The following LHFPL6 variants were observed in gnomAD, a reference collection of about 807,000 sequenced individuals.
The protein encoded by LHFPL6 is LHFPL tetraspan subfamily member 6.
A neutral mutation model predicts 20.6 loss-of-function variants in LHFPL6; 9 were observed. The observed-to-expected ratio is 0.44, with a 90% CI of 0.26 to 0.76. The LOEUF (loss-of-function observed/expected upper bound fraction) is 0.76, where lower values mean the gene tolerates loss of function less well. Among genes scored for constraint, LHFPL6 ranks in the 30% least tolerant of loss-of-function variants. The pLI is 0.20. For missense variants in LHFPL6, 218 were observed against 253.5 expected, an observed-to-expected ratio of 0.86 and a Z score of 0.95; for synonymous variants, 105 against 98.7, an observed-to-expected ratio of 1.06 and a Z score of -0.38.
intron 2 of LHFPL6, among the ~76,000 whole-genome samples, chr13:39,387,321 C>T (rs1977280): frequency 0.53 from 80,971 of 151,678 alleles, 23,487 homozygotes; most frequent in Admixed American, 0.67. Context: ...GGCTGAAGTG[C>T]GTGGATCACC....
At chr13:39,568,518 A>G (rs1490662838) in intron 2 of LHFPL6, among the ~76,000 whole-genome samples, 1 of 152,230 alleles carries the variant, frequency 6.6e-6, no homozygotes, top group Non-Finnish European at 1.5e-5. Flanking sequence ...ATATAAATAA[A>G]AAAACCTAAC....
chr13:39,491,772 T>C (rs1359824801), intron 2 of LHFPL6, among the ~76,000 whole-genome samples: 1 of 152,224 alleles, frequency 6.6e-6, no homozygotes, highest in Non-Finnish European at 1.5e-5. Flanking sequence ...TATGGCTAGT[T>C]CAACAGAGAA....
chr13:39,510,866 CT>C lies in LHFPL6; in HGVS notation c.385+89965del, dbSNP rs1869673377. On this transcript the variant is annotated intron_variant, in intron 2 of 3. Transcript: ENST00000379589. Reference sequence around the variant, plus strand: ...AAATTACTGGTATTTGTAATCATTACTTTAAATTTTTTTTTTTTCTTTTGAG... The same window carrying C: ...AAATTACTGGTATTTGTAATCATTACTTAAATTTTTTTTTTTTCTTTTGAG... 4.5e-5 allele frequency among the ~76,000 whole-genome samples: 5 copies of C among 110,320 alleles called. No individual in the cohort carries two copies. In the South Asian group the frequency reaches 1.7e-3, roughly 37 times the overall value. 72.4% of individuals were successfully genotyped at this position (110,320 alleles called of 152,430 possible).
intron 2 of LHFPL6, among the ~76,000 whole-genome samples, chr13:39,589,922 A>G (rs936450090): frequency 6.6e-6 from 1 of 152,190 alleles, no homozygotes; most frequent in Non-Finnish European, 1.5e-5. Flanking sequence ...AAAAGTTACT[A>G]TATCATATTA....
At chr13:39,410,745 C>T (rs1201514764) in intron 2 of LHFPL6, among the ~76,000 whole-genome samples, 2 of 152,204 alleles carry the variant, frequency 1.3e-5, no homozygotes, top group Admixed American at 6.5e-5. Context: ...GATGATCAAT[C>T]AGCCCACAGT....
At chr13:39,366,945 C>T (rs1870027802) in intron 3 of LHFPL6, among the ~76,000 whole-genome samples, 1 of 152,244 alleles carries the variant, frequency 6.6e-6, no homozygotes, top group South Asian at 2.1e-4. Context: ...CTCTGCTCTA[C>T]TTCCAAGACT....
intron 2 of LHFPL6, among the ~76,000 whole-genome samples, chr13:39,546,196 AT>A (rs1447529419): frequency 5.3e-5 from 8 of 152,078 alleles, no homozygotes; most frequent in Non-Finnish European, 1.2e-4. Context: ...GATATAAGAA[AT>A]TTGGGGCCAG....
intron 2 of LHFPL6, among the ~76,000 whole-genome samples, chr13:39,511,090 C>T (rs1353212240): frequency 6.6e-6 from 1 of 152,114 alleles, no homozygotes; most frequent in East Asian, 1.9e-4. Context: ...CCAGGCTGTT[C>T]TCAAACTCCT....
chr13:39,359,236 T>A (rs56983422), intron 3 of LHFPL6, among the ~76,000 whole-genome samples: 1,587 of 152,236 alleles, frequency 0.01, 30 homozygotes, highest in African/African-American at 0.037. Flanking sequence ...CTGGCGGGAA[T>A]GTAAATTAGT....
chr13:39,383,125 A>G (rs919020399), intron 2 of LHFPL6, among the ~76,000 whole-genome samples: 3 of 152,222 alleles, frequency 2.0e-5, no homozygotes, highest in African/African-American at 7.2e-5. Context: ...GCTGGCACGA[A>G]AAAGAGTCAG....
chr13:39,585,920 A>C (rs987147445), intron 2 of LHFPL6, among the ~76,000 whole-genome samples: 3 of 152,324 alleles, frequency 2.0e-5, no homozygotes, highest in East Asian at 1.9e-4. Context: ...AGGATGCTTA[A>C]CCTAATAAAA....
At chr13:39,378,214 T>C (rs531676035) in intron 3 of LHFPL6, among the ~76,000 whole-genome samples, 1 of 152,332 alleles carries the variant, frequency 6.6e-6, no homozygotes, top group Admixed American at 6.5e-5. Flanking sequence ...TTCTTATCTT[T>C]GTATCTACAA....
chr13:39,410,755 T>G (rs1871225826), intron 2 of LHFPL6, among the ~76,000 whole-genome samples: 1 of 152,198 alleles, frequency 6.6e-6, no homozygotes, highest in Non-Finnish European at 1.5e-5. Context: ...CAGCCCACAG[T>G]GGCTTCAGGA....
Position 39,454,566 on chromosome 13 carries a change from T to C in LHFPL6, c.386-76040A>G, listed in dbSNP as rs1489829183. On this transcript the variant is annotated intron_variant, in intron 2 of 3. Transcript: ENST00000379589. ...ATGGCGTGAACCCGGGAGGCGGAGC[T>C]TACAGTGAGCCGAGATCCCGCCACT... is the stretch of plus-strand genomic sequence containing the variant. 6.3e-5 allele frequency among the ~76,000 whole-genome samples: 2 copies of C among 31,556 alleles called. 1 individual carries two copies. The highest frequency in any genetic ancestry group is 0.021 in the East Asian group (2 of 94). 20.7% of individuals were successfully genotyped at this position (31,556 alleles called of 152,430 possible).
intron 2 of LHFPL6, among the ~76,000 whole-genome samples, chr13:39,443,681 G>A (rs1002275386): frequency 2.6e-5 from 4 of 151,758 alleles, no homozygotes; most frequent in Non-Finnish European, 5.9e-5. Flanking sequence ...ATTCCAATAC[G>A]GTATCAGACA....
intron 2 of LHFPL6, among the ~76,000 whole-genome samples, chr13:39,560,375 C>T (rs1426005080): frequency 6.6e-6 from 1 of 152,054 alleles, no homozygotes; most frequent in African/African-American, 2.4e-5. Context: ...AAATCAATTT[C>T]TGTTCTGTTT....
intron 3 of LHFPL6, among the ~76,000 whole-genome samples, chr13:39,372,088 GTC>G (rs1487576802): frequency 1.3e-5 from 2 of 152,096 alleles, no homozygotes; most frequent in African/African-American, 2.4e-5. Flanking sequence ...AGTCAGTCAA[GTC>G]TGTAGCTGAC....
At chr13:39,430,356 G>C (rs73460944) in intron 2 of LHFPL6, among the ~76,000 whole-genome samples, 2 of 152,148 alleles carry the variant, frequency 1.3e-5, no homozygotes, top group African/African-American at 4.8e-5. Context: ...GGTTTTTCCA[G>C]CTCTAGAGCT....
At chr13:39,516,929 T>G (rs1869941845) in intron 2 of LHFPL6, among the ~76,000 whole-genome samples, 1 of 152,220 alleles carries the variant, frequency 6.6e-6, no homozygotes, top group Admixed American at 6.5e-5. Flanking sequence ...TCATGTAGCA[T>G]TCTATTAATT....
Sources: allele counts gnomAD v4.1 joint callset (sites outside exome capture counted in the v4.1 genomes callset), GRCh38; gene constraint gnomAD v4.1.1; transcripts MANE v1.5; gene names NCBI Gene and HGNC (gene_info 2026-07-23, HGNC 2026-07-21).